Variants in SUCNR1 observed in about 807,000 individuals in gnomAD.
SUCNR1 encodes the protein succinate receptor 1.
In SUCNR1, 5 loss-of-function variants were observed where a neutral mutation model predicts 2.4. The ratio of observed to expected loss-of-function variants is 2.07; its 90% CI spans 1.08 to 4.36. SUCNR1 has a LOEUF of 4.36. SUCNR1 is among the 30% of genes most tolerant of loss of function. The probability of loss-of-function intolerance (pLI) is 0.00; values close to 1 mark genes in which losing one functional copy is unlikely to be tolerated. For synonymous variants in SUCNR1, 162 were observed against 143.9 expected (o/e 1.13, Z -0.90); for missense variants, 373 against 399.2 (o/e 0.93, Z 0.56).
At chr3:151,877,188 C>A (rs183650377) in intron 1 of SUCNR1, among the ~76,000 whole-genome samples, 1 of 152,016 alleles carries the variant, frequency 6.6e-6, no homozygotes, top group Non-Finnish European at 1.5e-5. Flanking sequence ...ATTCAAAGAG[C>A]AGGAAGAAAG....
chr3:151,881,452 G>A lies in SUCNR1; in HGVS notation c.909G>A (p.Arg303=), dbSNP rs1198258028. 2.2e-5 allele frequency: 36 copies of A among 1,613,850 alleles called. No homozygotes were observed. The highest frequency in any genetic ancestry group is 3.1e-5 in the Non-Finnish European group (36 of 1,179,974). The change falls in exon 3 of 3, where the codon AGG becomes AGA. Residue 303 remains arginine, a synonymous_variant. Transcript: ENST00000362032. ...ATTTTCTTTTGGGAGATCACTTCAG[G>A]GACATGCTGATGAATCAACTGAGAC... ...VFYFLLGDHF[R]DMLMNQLRHN...
chr3:151,876,552 T>A (rs1717929978), intron 1 of SUCNR1, among the ~76,000 whole-genome samples: 1 of 152,112 alleles, frequency 6.6e-6, no homozygotes, highest in Admixed American at 6.6e-5. Flanking sequence ...GATAAAGCTA[T>A]TAACATTTTG....
chr3:151,874,146 A>ATT (rs56678758), intron 1 of SUCNR1, among the ~76,000 whole-genome samples: 8,718 of 59,542 alleles, frequency 0.15, 1,208 homozygotes, highest in Non-Finnish European at 0.19. Flanking sequence ...ATATATATAT[A>ATT]TTTTTTTTTT....
Position 151,881,593 on chromosome 3 carries a change from G to C in SUCNR1, c.*45G>C, listed in dbSNP as rs1471681787. On this transcript the variant is annotated 3_prime_UTR_variant, in exon 3 of 3. Transcript: ENST00000362032. ...GTTCTACAGATGAATCTGTAAGCCA[G>C]TTACAGTTTGCCTTAACTCATAGAC... The C allele has an allele frequency of 6.6e-7, 1 of 1,518,130 alleles. No homozygotes were observed. The highest frequency in any genetic ancestry group is 1.4e-5 in the African/African-American group (1 of 71,986). The allele number at this position is 1,518,130 out of a possible 1,614,324, so 94.0% of individuals were successfully genotyped here.
intron 1 of SUCNR1, among the ~76,000 whole-genome samples, chr3:151,879,287 TA>T (rs1379884913): frequency 1.3e-5 from 2 of 152,216 alleles, no homozygotes; most frequent in African/African-American, 4.8e-5. Flanking sequence ...GGCATTACAA[TA>T]AAGGTCTTTC....
intron 1 of SUCNR1, among the ~76,000 whole-genome samples, chr3:151,877,473 T>C (rs1278628802): frequency 6.6e-6 from 1 of 152,090 alleles, no homozygotes; most frequent in African/African-American, 2.4e-5. Flanking sequence ...AAAATAGAGA[T>C]AAGAGTAGCC....
At chr3:151,874,982 T>C (rs1317455140) in intron 1 of SUCNR1, among the ~76,000 whole-genome samples, 1 of 152,056 alleles carries the variant, frequency 6.6e-6, no homozygotes, top group Non-Finnish European at 1.5e-5. Flanking sequence ...TATTTTAAAG[T>C]AAATTTCAAA....
At chr3:151,876,770 A>G (rs1400792849) in intron 1 of SUCNR1, among the ~76,000 whole-genome samples, 3 of 152,142 alleles carry the variant, frequency 2.0e-5, no homozygotes, top group African/African-American at 7.2e-5. Flanking sequence ...CAGTGAAATA[A>G]GCAATGAGCT....
rs770666888 is a variant in SUCNR1, at chr3:151,881,250, T to A, written c.707T>A (p.Met236Lys). 14 of 1,614,124 alleles carry A rather than the reference T, an allele frequency of 8.7e-6. No homozygotes were observed. The highest frequency in any genetic ancestry group is 6.7e-5 in the Admixed American group (4 of 60,006). Residue 236 changes from methionine to lysine, a missense_variant, in exon 3 of 3, where the codon ATG (methionine) becomes AAG (lysine). This residue lies in a region of SUCNR1 where 157 missense variants were observed against 178.7 expected (regional missense o/e 0.88). Transcript: ENST00000362032. ...GAAAAGCCTCTCAACTTGGTCATCA[T>A]GGCAGTGGTAATCTTCTCTGTGCTT... ...PLEKPLNLVI[M>K]AVVIFSVLFT...
At chr3:151,879,989 T>C in intron 2 of SUCNR1, 82 bp downstream of exon 2, 1 of 1,122,758 alleles carries the variant, frequency 8.9e-7, no homozygotes, top group South Asian at 1.6e-5. Context: ...CTTTGCTATT[T>C]GCCAAGCCCT....
rs376441883 is a variant in SUCNR1, at chr3:151,879,845, C to T, written c.-41-7C>T. ...GAAGTTCTAAAAATTCTTATTTCCT[C>T]TTCTAGGTTATGGTTTAACTCAGCA... is the stretch of plus-strand genomic sequence containing the variant. On this transcript the variant is annotated splice_polypyrimidine_tract_variant and splice_region_variant and intron_variant, in intron 1 of 2. Coordinates refer to ENST00000362032, the MANE Select transcript of SUCNR1 (RefSeq NM_033050.6). 1 of 1,452,654 alleles carries T rather than the reference C, an allele frequency of 6.9e-7. No homozygotes were observed. The highest frequency in any genetic ancestry group is 9.3e-7 in the Non-Finnish European group (1 of 1,078,254). The allele number at this position is 1,452,654 out of a possible 1,614,324, so 90.0% of individuals were successfully genotyped here.
Position 151,881,336 on chromosome 3 carries a change from C to T in SUCNR1, c.793C>T (p.Gln265Ter), listed in dbSNP as rs1173671690. Residue 265 changes from glutamine (Q) to a stop codon, truncating the protein, a stop_gained, in exon 3 of 3, where the codon CAG (glutamine) becomes TAG (stop). Coordinates refer to ENST00000362032, the MANE Select transcript of SUCNR1 (RefSeq NM_033050.6). LOFTEE classifies it low-confidence loss of function (END_TRUNC). Reference protein sequence around the residue: ...RIASRLGSWKQYQCTQVVINS... With the variant: ...RIASRLGSWK ...CGCTTCACGCCTGGGGAGTTGGAAG[C>T]AGTATCAGTGCACTCAGGTCGTCAT... 6.2e-7 allele frequency: 1 copy of T among 1,614,162 alleles called. No individual in the cohort carries two copies. Among genetic ancestry groups the T allele is most frequent in the South Asian group, 1.1e-5 (1 of 91,088 alleles).
rs558289990 is a variant in SUCNR1, at chr3:151,883,611, C to T, written c.*2063C>T. The T allele has an allele frequency of 1.3e-5, 2 of 151,036 alleles. No homozygotes were observed. The highest frequency in any genetic ancestry group is 2.4e-5 in the African/African-American group (1 of 41,270). The allele number at this position is 151,036 out of a possible 1,614,324, so 9.4% of individuals were successfully genotyped here. Reference sequence around the variant, plus strand: ...TTAATCTTTAACAGACTTTAGGGCCCTAAACTAAAATTATAAGAGCTATTT... The same window carrying T: ...TTAATCTTTAACAGACTTTAGGGCCTTAAACTAAAATTATAAGAGCTATTT... On this transcript the variant is annotated 3_prime_UTR_variant, in exon 3 of 3. Transcript: ENST00000362032.
Position 151,880,902 on chromosome 3 carries a change from G to A in SUCNR1, c.359G>A (p.Arg120Gln), listed in dbSNP as rs778245634. Residue 120 changes from arginine (R) to glutamine (Q), a missense_variant, in exon 3 of 3, where the codon CGA becomes CAA. Physicochemically the swap from Arg to Gln is conservative, Grantham distance 43 (BLOSUM62 1). Transcript: ENST00000362032. ...ILFLTFISID[R>Q]YLIIKYPFRE... ...TTTCTCACTTTTATCAGCATAGATC[G>A]ATACTTGATAATTAAGTATCCTTTC... The A allele has an allele frequency of 1.9e-6, 3 of 1,613,946 alleles. No homozygotes were observed. The highest frequency in any genetic ancestry group is 1.1e-5 in the South Asian group (1 of 91,068).
intron 1 of SUCNR1, 89 bp from the exon 2 acceptor site, chr3:151,879,762 CA>C (rs1483095870): frequency 1.9e-6 from 1 of 531,290 alleles, no homozygotes; most frequent in Non-Finnish European, 3.3e-6. Context: ...GAATTTAATA[CA>C]ATAAGCAGAA....
intron 1 of SUCNR1, among the ~76,000 whole-genome samples, chr3:151,878,407 G>C (rs1371857459): frequency 6.6e-6 from 1 of 152,110 alleles, no homozygotes; most frequent in African/African-American, 2.4e-5. Context: ...TGAGAATTTG[G>C]GAATGAGTTG....
chr3:151,874,083 TACACACACAC>T (rs139708188), intron 1 of SUCNR1, among the ~76,000 whole-genome samples: 10,569 of 116,740 alleles, frequency 0.091, 641 homozygotes, highest in African/African-American at 0.15. Context: ...ATTTGATACA[TACACACACAC>T]ACACACACAC....
chr3:151,881,242 G>T lies in SUCNR1; in HGVS notation c.699G>T (p.Leu233Phe), dbSNP rs749202891. The T allele has an allele frequency of 6.8e-6, 11 of 1,614,064 alleles. No individual in the cohort carries two copies. The Middle Eastern group carries it at 8.2e-4, about 121-fold the overall frequency. ...TALPLEKPLN[L>F]VIMAVVIFSV... Reference sequence around the variant, plus strand: ...TGCCCCTTGAAAAGCCTCTCAACTTGGTCATCATGGCAGTGGTAATCTTCT... The same window carrying T: ...TGCCCCTTGAAAAGCCTCTCAACTTTGTCATCATGGCAGTGGTAATCTTCT... Residue 233 changes from leucine (L) to phenylalanine (F), a missense_variant, in exon 3 of 3, where the codon TTG (leucine) becomes TTT (phenylalanine). Around this residue, in one of 3 missense-constraint regions of SUCNR1, gnomAD observed 157 missense variants for 178.7 expected, o/e 0.88. Transcript: ENST00000362032.
At position 151,881,896 on chromosome 3, in the gene SUCNR1, C is replaced by A. The variant is rs73168929; in HGVS notation, c.*348C>A. 7,132 of 179,024 alleles carry A rather than the reference C, an allele frequency of 0.04. 271 individuals carry two copies. The highest frequency in any genetic ancestry group is 0.2 in the East Asian group (1,325 of 6,580). 11.1% of individuals were successfully genotyped at this position (179,024 alleles called of 1,614,324 possible). A position where few individuals can be genotyped will look rare whatever the true frequency, so the allele number is the denominator to read the frequency against. ...AAAAAAATTGTTTTGGCAACATTCT[C>A]TATGTTATTCTTATTCACATGATCC... On this transcript the variant is annotated 3_prime_UTR_variant, in exon 3 of 3. Transcript: ENST00000362032.
Sources: allele counts gnomAD v4.1 joint callset (sites outside exome capture counted in the v4.1 genomes callset), GRCh38; gene constraint gnomAD v4.1.1; regional missense constraint gnomAD v4.1.1; transcripts MANE v1.5; gene names NCBI Gene and HGNC (gene_info 2026-07-23, HGNC 2026-07-21).